Variants in RHOBTB2 observed in about 807,000 individuals in gnomAD.
The protein encoded by RHOBTB2 is rho-related BTB domain-containing protein 2.
A neutral mutation model predicts 66.5 loss-of-function variants in RHOBTB2; 39 were observed. That is an observed-to-expected ratio of 0.59 (90% confidence interval 0.45 to 0.77). The LOEUF (loss-of-function observed/expected upper bound fraction) is 0.77, where lower values mean the gene tolerates loss of function less well. Ranked by LOEUF, RHOBTB2 falls within the 30% of genes least tolerant of loss-of-function variation. The pLI, the probability that RHOBTB2 is intolerant of heterozygous loss-of-function variation, is 0.00. For synonymous variants in RHOBTB2, 390 were observed against 395.0 expected, an observed-to-expected ratio of 0.99 and a Z score of 0.15; for missense variants, 755 against 999.1, an observed-to-expected ratio of 0.76 and a Z score of 3.29.
the RHOBTB2 span, among the ~76,000 whole-genome samples, chr8:22,970,197 C>T: frequency 1.3e-5 from 2 of 152,180 alleles, no homozygotes; most frequent in South Asian, 2.1e-4. Flanking sequence ...CAGCAGGTTG[C>T]ACATCTGGTG....
chr8:22,974,161 G>A, the RHOBTB2 span, among the ~76,000 whole-genome samples: 6 of 152,172 alleles, frequency 3.9e-5, no homozygotes, highest in Non-Finnish European at 8.8e-5. Context: ...TAGGGTGGGG[G>A]TATGGAGGGA....
chr8:22,972,957 C>G, the RHOBTB2 span, among the ~76,000 whole-genome samples: 4 of 152,222 alleles, frequency 2.6e-5, no homozygotes, highest in Non-Finnish European at 5.9e-5. Flanking sequence ...GGAAGGCATG[C>G]TCTCCACCAG....
At chr8:22,978,282 T>C in the RHOBTB2 span, among the ~76,000 whole-genome samples, 1 of 152,120 alleles carries the variant, frequency 6.6e-6, no homozygotes, top group Non-Finnish European at 1.5e-5. Context: ...GTTCAGTTTA[T>C]TTAAAAAATA....
At chr8:22,975,158 G>C in the RHOBTB2 span, among the ~76,000 whole-genome samples, 1 of 151,930 alleles carries the variant, frequency 6.6e-6, no homozygotes. Flanking sequence ...CATGTAAAGG[G>C]CTCAAAGTGG....
At chr8:22,981,264 C>T in the RHOBTB2 span, among the ~76,000 whole-genome samples, 2 of 152,210 alleles carry the variant, frequency 1.3e-5, no homozygotes, top group Non-Finnish European at 2.9e-5. Context: ...GTTGATTCAA[C>T]CACCCAGTAA....
intron 7 of RHOBTB2, among the ~76,000 whole-genome samples, chr8:23,014,451 C>T (rs1393142044): frequency 1.3e-5 from 2 of 152,188 alleles, no homozygotes; most frequent in African/African-American, 4.8e-5. Flanking sequence ...TTTGAAAAAT[C>T]CTCTTAGGTA....
chr8:23,014,891 G>T (rs1037405077), intron 8 of RHOBTB2, 113 bp downstream of exon 8: 1 of 841,938 alleles, frequency 1.2e-6, no homozygotes, highest in Non-Finnish European at 2.0e-6. Flanking sequence ...CCTGTCATCG[G>T]ACTGGGCTCT....
At chr8:23,008,619 C>A (rs111462225) in intron 6 of RHOBTB2, among the ~76,000 whole-genome samples, 2,930 of 152,174 alleles carry the variant, frequency 0.019, 42 homozygotes, top group Non-Finnish European at 0.029. Flanking sequence ...ATTGATAAGA[C>A]AACTTGTTAC....
chr8:23,004,652 G>T lies in RHOBTB2; in HGVS notation c.192+26G>T. 6.3e-7 allele frequency: 1 copy of T among 1,595,962 alleles called. No individual in the cohort carries two copies. The stretch of plus-strand genomic sequence containing the variant: ...GTAAGGCTGCAGGACTACCTGGCTG[G>T]GGGTCCACGCCATGAGTCTGGGCTT... On this transcript the variant is annotated intron_variant, in intron 2 of 9. Coordinates refer to ENST00000251822, the MANE Select transcript of RHOBTB2 (RefSeq NM_015178.3). This position sits in a 1 kb window ranked among gnomAD's most constrained non-coding sequence, Gnocchi z 6.4.
intron 6 of RHOBTB2, among the ~76,000 whole-genome samples, chr8:23,008,732 G>A (rs955880042): frequency 3.9e-5 from 6 of 152,160 alleles, no homozygotes; most frequent in Admixed American, 3.3e-4. Flanking sequence ...GAGGGAATGG[G>A]CGAGGCAGGT....
the RHOBTB2 span, among the ~76,000 whole-genome samples, chr8:22,967,498 C>G: frequency 6.7e-6 from 1 of 148,636 alleles, no homozygotes; most frequent in Admixed American, 6.9e-5. Context: ...GTAATCCCAG[C>G]TACTTTGGGA....
chr8:22,998,023 T>C (rs1810624232), upstream of RHOBTB2, among the ~76,000 whole-genome samples: 1 of 152,184 alleles, frequency 6.6e-6, no homozygotes, highest in Non-Finnish European at 1.5e-5. Context: ...GAGAAGTAAG[T>C]AGCACTGTCA....
chr8:22,980,516 T>A, the RHOBTB2 span, among the ~76,000 whole-genome samples: 1 of 152,224 alleles, frequency 6.6e-6, no homozygotes, highest in Non-Finnish European at 1.5e-5. Flanking sequence ...CGTATTCAAT[T>A]GTTACATTAG....
At chr8:22,969,684 T>G in the RHOBTB2 span, among the ~76,000 whole-genome samples, 3 of 152,202 alleles carry the variant, frequency 2.0e-5, no homozygotes. Context: ...ATCAATATTA[T>G]TTATAATAGT....
At chr8:22,983,664 G>A (rs894298387), upstream of RHOBTB2, among the ~76,000 whole-genome samples, 1 of 151,932 alleles carries the variant, frequency 6.6e-6, no homozygotes, top group Non-Finnish European at 1.5e-5. Flanking sequence ...AGAAATAGAG[G>A]TATGACTTTT....
the RHOBTB2 span, among the ~76,000 whole-genome samples, chr8:22,954,156 T>C: frequency 7.9e-5 from 12 of 152,184 alleles, no homozygotes; most frequent in Non-Finnish European, 1.8e-4. Context: ...TCACCATTAA[T>C]GAGGGAACTG....
the RHOBTB2 span, among the ~76,000 whole-genome samples, chr8:22,957,896 C>G: frequency 6.6e-6 from 1 of 152,250 alleles, no homozygotes; most frequent in East Asian, 1.9e-4. Flanking sequence ...TTACCCTTAT[C>G]TTGTCTCCTG....
rs1811011671 is a variant in RHOBTB2, at chr8:23,007,626, C to T, written c.1381C>T (p.Arg461Cys). 2 of 1,614,152 alleles carry T rather than the reference C, an allele frequency of 1.2e-6. No homozygotes were observed. The highest frequency in any genetic ancestry group is 1.7e-6 in the Non-Finnish European group (2 of 1,180,024). ...TGAGCTGCTCGAGGTCTTTGATCTG[C>T]GCATGATGGTGGCCAACATTCTCAA... ...IAELLEVFDL[R>C]MMVANILNNE... is the part of the protein sequence containing the mutation. The change falls in exon 5 of 10, where the codon CGC becomes TGC. Residue 461 changes from arginine (R) to cysteine (C), a missense_variant. By Grantham distance (180) the Arg-to-Cys change is radical (BLOSUM62 -3). This residue lies in a region of RHOBTB2 where 353 missense variants were observed against 458.2 expected (regional missense o/e 0.77). Coordinates refer to ENST00000251822, the MANE Select transcript of RHOBTB2 (RefSeq NM_015178.3).
Position 23,004,573 on chromosome 8 carries a change from G to A in RHOBTB2, c.139G>A (p.Ala47Thr), listed in dbSNP as rs764441387. ...NATLTQYQLL[A>T]THVPTVWAID... Reference sequence around the variant, plus strand: ...CACCCTCACCCAGTACCAGCTGCTGGCCACGCATGTGCCCACAGTATGGGC... The same window carrying A: ...CACCCTCACCCAGTACCAGCTGCTGACCACGCATGTGCCCACAGTATGGGC... The change falls in exon 2 of 10, where the codon GCC (alanine) becomes ACC (threonine). Residue 47 changes from alanine to threonine, a missense_variant. By Grantham distance (58) the Ala-to-Thr change is moderately conservative. Transcript: ENST00000251822. The surrounding 1 kb of genome is among the most constrained non-coding windows in gnomAD (Gnocchi z 6.4). 1 of 1,614,158 alleles carries A rather than the reference G, an allele frequency of 6.2e-7. No homozygotes were observed. Among genetic ancestry groups the A allele is most frequent in the South Asian group, 1.1e-5 (1 of 91,086 alleles).
Sources: gnomAD v4.1 joint callset for allele counts (sites outside exome capture counted in the v4.1 genomes callset) on GRCh38, gnomAD v4.1.1 for gene constraint, gnomAD v4.1.1 regional missense constraint, Gnocchi (gnomAD v3.1) non-coding constraint, MANE v1.5 for transcripts, NCBI Gene and HGNC (gene_info 2026-07-23, HGNC 2026-07-21) for gene names.